The following BCAS3 variants were observed in gnomAD, a reference collection of about 807,000 sequenced individuals.
BCAS3 encodes the protein BCAS3 microtubule associated cell migration factor, also known as BCAS4/BCAS3 fusion.
Under a neutral mutation model 116.1 loss-of-function variants are expected in BCAS3, and 53 were observed. The ratio of observed to expected loss-of-function variants is 0.46; its 90% CI spans 0.37 to 0.57. BCAS3 has a LOEUF of 0.57. Ranked by LOEUF, BCAS3 falls within the 20% of genes least tolerant of loss-of-function variation. The probability of loss-of-function intolerance (pLI) is 0.00; values close to 1 mark genes in which losing one functional copy is unlikely to be tolerated. For missense variants in BCAS3, 917 were observed against 1,165.4 expected (o/e 0.79, Z 3.10); for synonymous variants, 391 against 408.2 (o/e 0.96, Z 0.51).
chr17:61,336,925 C>T (rs867408796), intron 22 of BCAS3, among the ~76,000 whole-genome samples: 3 of 152,018 alleles, frequency 2.0e-5, no homozygotes, highest in Non-Finnish European at 4.4e-5. Flanking sequence ...CCAGCCTGGC[C>T]AACATGGTGA....
At position 61,319,350 on chromosome 17, in the gene BCAS3, A is replaced by G. The variant is rs60344160; in HGVS notation, c.2426-48977A>G. 8.8e-3 allele frequency among the ~76,000 whole-genome samples: 1,347 copies of G among 152,328 alleles called. 24 individuals are homozygous for G. The highest frequency in any genetic ancestry group is 0.03 in the African/African-American group (1,264 of 41,570). On this transcript the variant is annotated intron_variant, in intron 22 of 23. Transcript: ENST00000407086. ...CACCCCCTACATTAAACTCCATTAT[A>G]TTAAGGAAACCTTAGAACTCGGATG... is the stretch of plus-strand genomic sequence containing the variant.
intron 13 of BCAS3, among the ~76,000 whole-genome samples, chr17:60,932,081 T>C (rs572271304): frequency 2.6e-5 from 4 of 151,722 alleles, no homozygotes; most frequent in Non-Finnish European, 5.9e-5. Context: ...TAAAAAAAAA[T>C]AAAAAATAAA....
At chr17:60,959,703 T>C (rs1199060003) in intron 14 of BCAS3, among the ~76,000 whole-genome samples, 1 of 152,228 alleles carries the variant, frequency 6.6e-6, no homozygotes. Context: ...CAATGGTTTT[T>C]TTCCTGTGGT....
intron 16 of BCAS3, among the ~76,000 whole-genome samples, chr17:61,024,382 C>T (rs1420727514): frequency 6.6e-6 from 1 of 152,122 alleles, no homozygotes; most frequent in Admixed American, 6.6e-5. Context: ...CTTGTCTCTC[C>T]AGTTCCCTTT....
rs1463822478 is a variant in BCAS3 at position 61,065,943 on chromosome 17, CTA to C, written c.2030-8976_2030-8975del. On this transcript the variant is annotated intron_variant, in intron 19 of 23. Transcript: ENST00000407086. This position sits in a 1 kb window ranked among gnomAD's most constrained non-coding sequence, Gnocchi z 4.8. ...GTGTGAATTTTTGAATTAAGAGACT[CTA>C]AATTTCTATTTCTATATATTCAGCC... is the stretch of plus-strand genomic sequence containing the variant. Among the ~76,000 whole-genome samples the C allele has an allele frequency of 6.6e-6, 1 of 152,112 alleles. No individual in the cohort carries two copies.
intron 14 of BCAS3, among the ~76,000 whole-genome samples, chr17:60,981,805 G>GAGCT: frequency 6.6e-6 from 1 of 152,188 alleles, no homozygotes; most frequent in Non-Finnish European, 1.5e-5. Flanking sequence ...TCAAGGCACA[G>GAGCT]AGCTGGTAAT....
In BCAS3 at chr17:60,956,079, T is replaced by C. The variant is rs1472784321; in HGVS notation, c.1221+8727T>C. Reference sequence around the variant, plus strand: ...ACTATGTAAATATGCCATTCTGCATTGAACTTTCAATTCATTCCTTTATTT... The same window carrying C: ...ACTATGTAAATATGCCATTCTGCATCGAACTTTCAATTCATTCCTTTATTT... On this transcript the variant is annotated intron_variant, in intron 14 of 23. Coordinates refer to ENST00000407086, the MANE Select transcript of BCAS3 (RefSeq NM_017679.5). This position sits in a 1 kb window ranked among gnomAD's most constrained non-coding sequence, Gnocchi z 4.2. 6.6e-6 allele frequency among the ~76,000 whole-genome samples: 1 copy of C among 152,372 alleles called. No homozygotes were observed. Among genetic ancestry groups the C allele is most frequent in the South Asian group, 2.1e-4 (1 of 4,828 alleles).
In BCAS3 at chr17:61,106,215, T is replaced by C. The variant is rs1324631723; in HGVS notation, c.2425+21651T>C. Among the ~76,000 whole-genome samples, 3 of 152,196 alleles carry C rather than the reference T, an allele frequency of 2.0e-5. No homozygotes were observed. The highest frequency in any genetic ancestry group is 4.8e-5 in the African/African-American group (2 of 41,456). On this transcript the variant is annotated intron_variant, in intron 22 of 23. Transcript: ENST00000407086. The surrounding 1 kb of genome is among the most constrained non-coding windows in gnomAD (Gnocchi z 4.2). ...AAACTGTATCATAGGTCTGTACATA[T>C]AGGAAAAAACATGGTATATACAGTC...
chr17:60,947,432 C>A, intron 14 of BCAS3, 80 bp downstream of exon 14: 1 of 1,377,340 alleles, frequency 7.3e-7, no homozygotes. Context: ...TATTACATTG[C>A]AGCTTAATGT....
chr17:61,062,436 A>G (rs1044881274), intron 19 of BCAS3, among the ~76,000 whole-genome samples: 4 of 152,192 alleles, frequency 2.6e-5, no homozygotes, highest in African/African-American at 7.2e-5. Flanking sequence ...TAAGCAAGGT[A>G]CTTTATAGTT....
At chr17:60,920,264 A>T (rs984478263) in intron 12 of BCAS3, among the ~76,000 whole-genome samples, 1 of 152,234 alleles carries the variant, frequency 6.6e-6, no homozygotes, top group African/African-American at 2.4e-5. Context: ...ACCTGATTAA[A>T]CTAAAGAGCT....
rs374020915 is a variant in BCAS3 at position 61,092,992 on chromosome 17, G to A, written c.2425+8428G>A. Among the ~76,000 whole-genome samples the A allele has an allele frequency of 1.5e-3, 213 of 138,524 alleles. 1 individual carries two copies. Among genetic ancestry groups the A allele is most frequent in the African/African-American group, 5.5e-3 (199 of 36,182 alleles). 90.9% of individuals were successfully genotyped at this position (138,524 alleles called of 152,430 possible). A position where few individuals can be genotyped will look rare whatever the true frequency, so the allele number is the denominator to read the frequency against. ...ATGATCTCGGCTCACTGCAACTTCC[G>A]TCTCCCAGGTTCAAAGTGATTATCC... On this transcript the variant is annotated intron_variant, in intron 22 of 23. Transcript: ENST00000407086.
intron 22 of BCAS3, among the ~76,000 whole-genome samples, chr17:61,263,346 C>T (rs1279430475): frequency 1.3e-5 from 2 of 152,188 alleles, no homozygotes; most frequent in African/African-American, 2.4e-5. Context: ...GGCAGGCCTT[C>T]GGTAGAGGAA....
chr17:61,201,849 C>T (rs2080842566), intron 22 of BCAS3, among the ~76,000 whole-genome samples: 1 of 151,556 alleles, frequency 6.6e-6, no homozygotes, highest in African/African-American at 2.4e-5. Context: ...ACCTCCGCCT[C>T]CCGGGTTCAA....
chr17:60,927,780 G>A (rs1599744128), intron 13 of BCAS3, among the ~76,000 whole-genome samples: 1 of 151,748 alleles, frequency 6.6e-6, no homozygotes, highest in African/African-American at 2.4e-5. Flanking sequence ...GAAAATAATG[G>A]TTATTTTTAT....
At chr17:61,382,526 T>A (rs527599442) in intron 23 of BCAS3, among the ~76,000 whole-genome samples, 1 of 151,546 alleles carries the variant, frequency 6.6e-6, no homozygotes, top group East Asian at 2.0e-4. Flanking sequence ...CCTCCCAAAG[T>A]GTTGAGATTA....
intron 9 of BCAS3, among the ~76,000 whole-genome samples, chr17:60,881,756 C>T (rs907015805): frequency 8.6e-5 from 13 of 151,432 alleles, no homozygotes; most frequent in African/African-American, 3.2e-4. Flanking sequence ...TATGTCCCTA[C>T]AAAGGACATG....
At chr17:61,011,854 T>TA (rs1340811984) in intron 15 of BCAS3, among the ~76,000 whole-genome samples, 1 of 152,074 alleles carries the variant, frequency 6.6e-6, no homozygotes, top group African/African-American at 2.4e-5. Flanking sequence ...CTTGTGTAGT[T>TA]ATTGCATTTA....
At chr17:61,050,787 T>G (rs1366090944) in intron 19 of BCAS3, among the ~76,000 whole-genome samples, 1 of 152,050 alleles carries the variant, frequency 6.6e-6, no homozygotes, top group Non-Finnish European at 1.5e-5. Context: ...TACATTAATA[T>G]CAGACTAAGT....
Sources: gnomAD v4.1 joint callset for allele counts (sites outside exome capture counted in the v4.1 genomes callset) on GRCh38, gnomAD v4.1.1 for gene constraint, Gnocchi (gnomAD v3.1) non-coding constraint, MANE v1.5 for transcripts, NCBI Gene and HGNC (gene_info 2026-07-23, HGNC 2026-07-21) for gene names.